Variants in ABLIM2 observed in about 807,000 individuals in gnomAD.
ABLIM2 encodes actin-binding LIM protein 2.
A neutral mutation model predicts 97.7 loss-of-function variants in ABLIM2; 53 were observed. The ratio of observed to expected loss-of-function variants is 0.54; its 90% CI spans 0.44 to 0.68. The LOEUF is 0.68. Among genes scored for constraint, ABLIM2 ranks in the 30% least tolerant of loss-of-function variants. The pLI is 0.00. For missense variants in ABLIM2, 835 were observed against 867.2 expected (o/e 0.96, Z 0.47); for synonymous variants, 361 against 345.8 (o/e 1.04, Z -0.49).
rs1800901114 is a variant in ABLIM2, at chr4:8,058,619, G to T, written c.763+2348C>A. The stretch of plus-strand genomic sequence containing the variant: ...GTCCAATCCATCATCAAGTCTGGGG[G>T]CTGCACTCCAGCACATGGCCCCTGT... On this transcript the variant is annotated intron_variant, in intron 7 of 20. Coordinates refer to ENST00000447017, the MANE Select transcript of ABLIM2 (RefSeq NM_001130083.2). The surrounding 1 kb of genome is among the most constrained non-coding windows in gnomAD (Gnocchi z 4.2). 1.3e-5 allele frequency among the ~76,000 whole-genome samples: 2 copies of T among 152,150 alleles called. No individual in the cohort carries two copies. Among genetic ancestry groups the T allele is most frequent in the African/African-American group, 2.4e-5 (1 of 41,456 alleles).
chr4:8,056,393 T>G (rs976233861), intron 7 of ABLIM2, among the ~76,000 whole-genome samples: 7 of 150,910 alleles, frequency 4.6e-5, no homozygotes, highest in African/African-American at 1.7e-4. Flanking sequence ...CCCCACCTCT[T>G]GGTCTCAAGC....
In ABLIM2 at chr4:7,983,273, C is replaced by T. The variant is rs761167311; in HGVS notation, c.1815G>A (p.Thr605=). The stretch of plus-strand genomic sequence containing the variant: ...GCAGTCCCCCGCTTACCTCCAGTCT[C>T]GTCCGGTCCACGTCTTTGGGCAGTT... ...RVKLPKDVDR[T]RLERHLSPEE... The change falls in exon 20 of 21, where the codon ACG becomes ACA. Residue 605 remains threonine, a synonymous_variant. Transcript: ENST00000447017. The T allele has an allele frequency of 5.0e-6, 8 of 1,610,728 alleles. No individual in the cohort carries two copies. The highest frequency in any genetic ancestry group is 1.6e-4 in the Middle Eastern group (1 of 6,084).
chr4:7,996,298 C>G lies in ABLIM2; in HGVS notation c.1619-3371G>C, dbSNP rs1753244010. Among the ~76,000 whole-genome samples the G allele has an allele frequency of 1.3e-5, 2 of 152,208 alleles. No individual in the cohort carries two copies. The highest frequency in any genetic ancestry group is 4.1e-4 in the South Asian group (2 of 4,828). On this transcript the variant is annotated intron_variant, in intron 16 of 20. Coordinates refer to ENST00000447017, the MANE Select transcript of ABLIM2 (RefSeq NM_001130083.2). The surrounding 1 kb of genome is among the most constrained non-coding windows in gnomAD (Gnocchi z 4.5). Reference sequence around the variant, plus strand: ...GACCATTCCGATGCACACTGGCCTACTGCCTCGAGAACAGAGAACACCCTT... The same window carrying G: ...GACCATTCCGATGCACACTGGCCTAGTGCCTCGAGAACAGAGAACACCCTT...
chr4:7,969,516 G>GA (rs1461916572), intron 20 of ABLIM2, among the ~76,000 whole-genome samples: 1 of 152,084 alleles, frequency 6.6e-6, no homozygotes, highest in East Asian at 1.9e-4. Flanking sequence ...TAGCAAAAGA[G>GA]AAAATGGAAG....
chr4:8,142,696 C>G (rs911917753), intron 1 of ABLIM2, among the ~76,000 whole-genome samples: 1 of 152,208 alleles, frequency 6.6e-6, no homozygotes, highest in Non-Finnish European at 1.5e-5. Flanking sequence ...GACCAGGGCT[C>G]CTGAATCAGC....
At chr4:8,056,392 T>C (rs1261967609) in intron 7 of ABLIM2, among the ~76,000 whole-genome samples, 1 of 150,164 alleles carries the variant, frequency 6.7e-6, no homozygotes, top group African/African-American at 2.4e-5. Context: ...CCCCCACCTC[T>C]TGGTCTCAAG....
intron 17 of ABLIM2, chr4:7,989,456 A>C: frequency 1.0e-6 from 1 of 985,320 alleles, no homozygotes; most frequent in Non-Finnish European, 1.2e-6. Context: ...TGGCATTGCC[A>C]TGTTGCTTGG....
intron 14 of ABLIM2, among the ~76,000 whole-genome samples, chr4:8,017,163 G>A (rs1194779951): frequency 1.3e-5 from 2 of 152,082 alleles, no homozygotes; most frequent in African/African-American, 4.8e-5. Context: ...TGGTGGGTGC[G>A]AGGCCTCCTG....
intron 7 of ABLIM2, among the ~76,000 whole-genome samples, chr4:8,060,573 G>C: frequency 6.6e-6 from 1 of 152,162 alleles, no homozygotes; most frequent in Non-Finnish European, 1.5e-5. Context: ...GCTGGGGCGG[G>C]AAACACCTAA....
At chr4:8,092,643 T>G (rs1052050582) in intron 3 of ABLIM2, among the ~76,000 whole-genome samples, 11 of 152,218 alleles carry the variant, frequency 7.2e-5, no homozygotes, top group African/African-American at 2.6e-4. Flanking sequence ...CCTCCTCCCC[T>G]TTTTTCTCTC....
chr4:8,053,375 C>T (rs927218338), intron 8 of ABLIM2, among the ~76,000 whole-genome samples: 2 of 152,200 alleles, frequency 1.3e-5, no homozygotes, highest in African/African-American at 4.8e-5. Flanking sequence ...ATGTATAAAA[C>T]CAAACTGTGC....
intron 1 of ABLIM2, among the ~76,000 whole-genome samples, chr4:8,110,468 C>T (rs28386827): frequency 0.31 from 46,532 of 151,802 alleles, 7,607 homozygotes; most frequent in African/African-American, 0.41. Context: ...TGTCTCTCCA[C>T]CCAGGCATCC....
At chr4:8,137,939 G>A (rs1002641643) in intron 1 of ABLIM2, among the ~76,000 whole-genome samples, 13 of 152,272 alleles carry the variant, frequency 8.5e-5, no homozygotes, top group Non-Finnish European at 1.5e-4. Flanking sequence ...CAAATGAACT[G>A]ATAAACAAAA....
chr4:8,115,052 C>A (rs897014383), intron 1 of ABLIM2, among the ~76,000 whole-genome samples: 12 of 152,228 alleles, frequency 7.9e-5, no homozygotes, highest in Non-Finnish European at 1.2e-4. Context: ...CATGGCCAGA[C>A]CACGGGTCCC....
At chr4:8,076,774 T>G (rs1461159569) in intron 6 of ABLIM2, among the ~76,000 whole-genome samples, 33 of 18,956 alleles carry the variant, frequency 1.7e-3, no homozygotes, top group Admixed American at 3.8e-3. Context: ...GGCTGCAGGG[T>G]GGGGGGGTCT....
intron 20 of ABLIM2, among the ~76,000 whole-genome samples, chr4:7,976,212 C>T (rs1253411715): frequency 1.3e-5 from 2 of 152,186 alleles, no homozygotes; most frequent in African/African-American, 2.4e-5. Flanking sequence ...GTGTCACCAT[C>T]GCACCCGCAC....
chr4:7,984,827 C>T lies in ABLIM2; in HGVS notation c.1735+12G>A, dbSNP rs754211271. 5.3e-5 allele frequency: 85 copies of T among 1,590,400 alleles called. No individual in the cohort carries two copies. Among genetic ancestry groups the T allele is most frequent in the South Asian group, 2.4e-4 (21 of 86,680 alleles). ...CCCAGCCAGAGACCCACAGGGTCCC[C>T]GCTCTGTGTACCTCGCATGCCCCAG... On this transcript the variant is annotated intron_variant, in intron 18 of 20. Coordinates refer to ENST00000447017, the MANE Select transcript of ABLIM2 (RefSeq NM_001130083.2).
At chr4:8,076,457 T>G (rs914827165) in intron 6 of ABLIM2, among the ~76,000 whole-genome samples, 9 of 151,948 alleles carry the variant, frequency 5.9e-5, no homozygotes, top group African/African-American at 1.9e-4. Flanking sequence ...TCTCTAAAAC[T>G]CCAATGTGGC....
intron 20 of ABLIM2, among the ~76,000 whole-genome samples, chr4:7,980,938 C>CTTTTTTTTTTTTTTTT (rs1255215577): frequency 6.8e-4 from 26 of 38,462 alleles, no homozygotes; most frequent in East Asian, 2.8e-3. Flanking sequence ...TCCACAACCC[C>CTTTTTTTTTTTTTTTT]TTATTTTTTT....
Sources: gnomAD v4.1 joint callset for allele counts (sites outside exome capture counted in the v4.1 genomes callset) on GRCh38, gnomAD v4.1.1 for gene constraint, Gnocchi (gnomAD v3.1) non-coding constraint, MANE v1.5 for transcripts, NCBI Gene and HGNC (gene_info 2026-07-23, HGNC 2026-07-21) for gene names.